PKIG: variants seen among roughly 807,000 people sequenced by gnomAD.
The protein encoded by PKIG is cAMP-dependent protein kinase inhibitor gamma.
In PKIG, 1 loss-of-function variant was observed where a neutral mutation model predicts 6.8. The ratio of observed to expected loss-of-function variants is 0.15; its 90% confidence interval spans 0.05 to 0.69. The LOEUF is 0.69. Among genes scored for constraint, PKIG ranks in the 30% least tolerant of loss-of-function variants. PKIG has a pLI of 0.82. For synonymous variants in PKIG, 39 were observed against 43.0 expected (o/e 0.91, Z 0.36); for missense variants, 77 against 104.0 (o/e 0.74, Z 1.13).
At chr20:44,617,067 C>T (rs770793455) in intron 3 of PKIG, among the ~76,000 whole-genome samples, 12 of 152,208 alleles carry the variant, frequency 7.9e-5, no homozygotes, top group Non-Finnish European at 7.3e-5. Flanking sequence ...CAGCTCACCT[C>T]GCTGGGCCTC....
chr20:44,544,024 A>G (rs1339624959), intron 1 of PKIG, among the ~76,000 whole-genome samples: 1 of 151,032 alleles, frequency 6.6e-6, no homozygotes, highest in African/African-American at 2.4e-5. Flanking sequence ...AGGTCACACC[A>G]CTGCACTCCG....
At chr20:44,547,103 G>T (rs1371067662) in intron 1 of PKIG, among the ~76,000 whole-genome samples, 1 of 152,142 alleles carries the variant, frequency 6.6e-6, no homozygotes, top group Non-Finnish European at 1.5e-5. Flanking sequence ...TACAATGGGT[G>T]CTCAATTTAT....
chr20:44,532,133 AC>A (rs1260759438), intron 1 of PKIG, among the ~76,000 whole-genome samples: 1 of 152,092 alleles, frequency 6.6e-6, no homozygotes, highest in Non-Finnish European at 1.5e-5. Context: ...GGCGCCCCCG[AC>A]GCCCTTTGAC....
chr20:44,533,442 A>G (rs547002651), intron 1 of PKIG, among the ~76,000 whole-genome samples: 4 of 152,352 alleles, frequency 2.6e-5, no homozygotes, highest in Non-Finnish European at 5.9e-5. Flanking sequence ...GAAAATATTC[A>G]TCAAACAAGT....
rs2065246064 is a variant in PKIG, at chr20:44,614,507, C to T, written c.-23-27C>T. On this transcript the variant is annotated intron_variant, in intron 2 of 3. Coordinates refer to ENST00000372886, the MANE Select transcript of PKIG (RefSeq NM_001281445.2). This position sits in a 1 kb window ranked among gnomAD's most constrained non-coding sequence, Gnocchi z 4.6. Reference sequence around the variant, plus strand: ...CTGCAGAATGCATCTGGACTTACCTCTGCCCCCTTGCCTTCTGTCCCCACA... The same window carrying T: ...CTGCAGAATGCATCTGGACTTACCTTTGCCCCCTTGCCTTCTGTCCCCACA... 6.3e-7 allele frequency: 1 copy of T among 1,584,274 alleles called. No homozygotes were observed. Among genetic ancestry groups the T allele is most frequent in the Non-Finnish European group, 8.6e-7 (1 of 1,156,420 alleles).
chr20:44,533,645 A>C (rs1189610134), intron 1 of PKIG, among the ~76,000 whole-genome samples: 2 of 152,176 alleles, frequency 1.3e-5, no homozygotes, highest in Non-Finnish European at 2.9e-5. Context: ...TGGAACTTAA[A>C]GATCAATATT....
chr20:44,533,925 C>T (rs1407788205), intron 1 of PKIG, among the ~76,000 whole-genome samples: 1 of 152,096 alleles, frequency 6.6e-6, no homozygotes, highest in African/African-American at 2.4e-5. Flanking sequence ...ATATGGAGGT[C>T]GGTTGGGACC....
chr20:44,617,295 T>C (rs2065274052), intron 3 of PKIG, among the ~76,000 whole-genome samples: 2 of 152,084 alleles, frequency 1.3e-5, no homozygotes, highest in African/African-American at 2.4e-5. Flanking sequence ...CCTAGTAACA[T>C]TGCACAGTGT....
At position 44,583,357 on chromosome 20, in the gene PKIG, G is replaced by A. The variant is rs538430952; in HGVS notation, c.-94+626G>A. On this transcript the variant is annotated intron_variant, in intron 1 of 3. Coordinates refer to ENST00000372886, the MANE Select transcript of PKIG (RefSeq NM_001281445.2). ...TTTTAAAAATTTGCTGTTTATGCCT[G>A]GAATATAAACAGGACATGTAAGCCT... Among the ~76,000 whole-genome samples the A allele has an allele frequency of 2.6e-5, 4 of 152,278 alleles. No homozygotes were observed. The South Asian group carries it at 6.2e-4, about 24-fold the overall frequency.
intron 1 of PKIG, among the ~76,000 whole-genome samples, chr20:44,534,472 CT>C (rs777434666): frequency 4.1e-3 from 574 of 141,230 alleles, no homozygotes; most frequent in Middle Eastern, 7.4e-3. Flanking sequence ...ATGCACCATT[CT>C]TTTTTTTTTT....
At chr20:44,533,230 A>G (rs918658723) in intron 1 of PKIG, among the ~76,000 whole-genome samples, 2 of 152,180 alleles carry the variant, frequency 1.3e-5, no homozygotes, top group African/African-American at 2.4e-5. Flanking sequence ...AGGTCTCACT[A>G]TGTTGCCCAG....
At chr20:44,599,495 G>A (rs1250686232) in intron 2 of PKIG, among the ~76,000 whole-genome samples, 5 of 152,130 alleles carry the variant, frequency 3.3e-5, no homozygotes, top group African/African-American at 4.8e-5. Flanking sequence ...AGGCTGAGGC[G>A]GGCGGATCAC....
At chr20:44,613,412 C>A (rs1291138879) in intron 2 of PKIG, among the ~76,000 whole-genome samples, 1 of 152,146 alleles carries the variant, frequency 6.6e-6, no homozygotes, top group Admixed American at 6.6e-5. Flanking sequence ...AATTTCATAT[C>A]TTTCCTCCCC....
chr20:44,596,362 C>T (rs888863080), intron 2 of PKIG, among the ~76,000 whole-genome samples: 3 of 152,204 alleles, frequency 2.0e-5, no homozygotes, highest in African/African-American at 7.2e-5. Context: ...AGGGCCTACG[C>T]CCCAGGCTGC....
chr20:44,582,444 G>A (rs190256150), upstream of PKIG: 4 of 152,484 alleles, frequency 2.6e-5, no homozygotes, highest in East Asian at 1.9e-4. Flanking sequence ...GATCTCTCCT[G>A]TGGACAGAGA....
chr20:44,607,380 T>A (rs970160553), intron 2 of PKIG, among the ~76,000 whole-genome samples: 563 of 140,968 alleles, frequency 4.0e-3, no homozygotes, highest in Middle Eastern at 0.014. Context: ...TATATATATT[T>A]TTTTTTTTTT....
upstream of PKIG, among the ~76,000 whole-genome samples, chr20:44,578,610 A>T (rs1251458259): frequency 6.6e-6 from 1 of 152,032 alleles, no homozygotes; most frequent in African/African-American, 2.4e-5. Context: ...TCCCTCTACC[A>T]TGTCTAAAAG....
At chr20:44,549,671 A>G (rs1028784737) in intron 1 of PKIG, among the ~76,000 whole-genome samples, 1 of 152,178 alleles carries the variant, frequency 6.6e-6, no homozygotes, top group Non-Finnish European at 1.5e-5. Context: ...CGAAAAATGG[A>G]AAAAAATAGC....
At chr20:44,565,423 A>G (rs1342867466) in intron 1 of PKIG, among the ~76,000 whole-genome samples, 2 of 152,222 alleles carry the variant, frequency 1.3e-5, no homozygotes, top group Admixed American at 6.5e-5. Flanking sequence ...TAGTTTTAAC[A>G]TCTGTGCTTG....
Sources: allele counts gnomAD v4.1 joint callset (sites outside exome capture counted in the v4.1 genomes callset), GRCh38; gene constraint gnomAD v4.1.1; non-coding constraint Gnocchi (gnomAD v3.1); transcripts MANE v1.5; gene names NCBI Gene and HGNC (gene_info 2026-07-23, HGNC 2026-07-21).